Variants in TSC22D2 observed in about 807,000 individuals in gnomAD.
The protein encoded by TSC22D2 is TSC22 domain family protein 2.
Under a neutral mutation model 50.1 loss-of-function variants are expected in TSC22D2, and 5 were observed. The ratio of observed to expected loss-of-function variants is 0.10; its 90% CI spans 0.05 to 0.21. The LOEUF is 0.21. TSC22D2 is among the 10% of genes least tolerant of loss of function. The probability of loss-of-function intolerance (pLI) is 1.00; values close to 1 mark genes in which losing one functional copy is unlikely to be tolerated. For synonymous variants in TSC22D2, 501 were observed against 450.1 expected, an observed-to-expected ratio of 1.11 and a Z score of -1.43; for missense variants, 1,003 against 1,015.5, an observed-to-expected ratio of 0.99 and a Z score of 0.17.
At chr3:150,432,840 AT>A (rs1218004224) in intron 1 of TSC22D2, among the ~76,000 whole-genome samples, 12 of 152,130 alleles carry the variant, frequency 7.9e-5, no homozygotes, top group African/African-American at 2.9e-4. Context: ...TTTTATTAAG[AT>A]TTGGGGTGGT....
intron 1 of TSC22D2, among the ~76,000 whole-genome samples, chr3:150,432,092 A>G (rs941899298): frequency 1.3e-4 from 20 of 152,162 alleles, no homozygotes; most frequent in African/African-American, 4.8e-4. Flanking sequence ...ACTGGACCCT[A>G]AACATCTCTT....
intron 1 of TSC22D2, among the ~76,000 whole-genome samples, chr3:150,413,637 TTAAA>T: frequency 6.6e-6 from 1 of 151,134 alleles, no homozygotes; most frequent in East Asian, 1.9e-4. Context: ...GTGTTTGAAA[TTAAA>T]TAACAGTTTT....
At chr3:150,458,239 C>A in intron 2 of TSC22D2, 137 bp from the exon 3 acceptor site, 1 of 889,454 alleles carries the variant, frequency 1.1e-6, no homozygotes, top group Non-Finnish European at 1.7e-6. Context: ...TCCATAGGCT[C>A]GGTCAAGATA....
Position 150,409,422 on chromosome 3 carries a change from T to A in TSC22D2, c.72T>A (p.Thr24=), listed in dbSNP as rs376160123. The change falls in exon 1 of 3, where the codon ACT becomes ACA. Residue 24 remains threonine (T), a synonymous_variant. Coordinates refer to ENST00000688009, the MANE Select transcript of TSC22D2 (RefSeq NM_001303264.2). The surrounding 1 kb of genome is among the most constrained non-coding windows in gnomAD (Gnocchi z 7.4). The part of the protein sequence containing the change: ...ITSVTTAQVA[T]SITEDTESLD... ...GTGTCACCACGGCCCAGGTGGCCAC[T>A]AGCATCACCGAGGACACCGAGAGCT... 3.1e-6 allele frequency: 5 copies of A among 1,613,170 alleles called. No individual in the cohort carries two copies. In the African/African-American group the frequency reaches 5.3e-5, roughly 17 times the overall value.
At chr3:150,436,252 T>C (rs1018551619) in intron 1 of TSC22D2, among the ~76,000 whole-genome samples, 7 of 152,184 alleles carry the variant, frequency 4.6e-5, no homozygotes, top group Admixed American at 6.5e-5. Context: ...TTTGTAAGTT[T>C]CGTAGTAAAA....
chr3:150,423,224 G>A, intron 1 of TSC22D2: 10 of 785,424 alleles, frequency 1.3e-5, no homozygotes, highest in South Asian at 9.0e-5. Flanking sequence ...TATTTTAGGG[G>A]GGAAATCACA....
Position 150,428,834 on chromosome 3 carries a change from C to T in TSC22D2, c.1958+17526C>T, listed in dbSNP as rs542445492. Among the ~76,000 whole-genome samples, 8 of 152,232 alleles carry T rather than the reference C, an allele frequency of 5.3e-5. No individual in the cohort carries two copies. The South Asian group carries it at 6.2e-4, about 12-fold the overall frequency. On this transcript the variant is annotated intron_variant, in intron 1 of 2. Transcript: ENST00000688009. Reference sequence around the variant, plus strand: ...GGGTATTTCAACAGGCAGGCCTGAGCGAGCTTACTGAAAAGTAAACAGATC... The same window carrying T: ...GGGTATTTCAACAGGCAGGCCTGAGTGAGCTTACTGAAAAGTAAACAGATC...
intron 1 of TSC22D2, chr3:150,438,167 A>G (rs1457091792): frequency 2.7e-6 from 1 of 368,710 alleles, no homozygotes; most frequent in Non-Finnish European, 5.8e-6. Context: ...CTATTTGATT[A>G]AAACATTTAT....
chr3:150,442,591 A>C (rs541472131), intron 1 of TSC22D2, among the ~76,000 whole-genome samples: 24 of 152,344 alleles, frequency 1.6e-4, no homozygotes, highest in South Asian at 1.0e-3. Context: ...TATGCCAGAT[A>C]CTAATGCATT....
chr3:150,457,274 C>G (rs1367778870), intron 2 of TSC22D2, 147 bp downstream of exon 2: 2 of 752,482 alleles, frequency 2.7e-6, no homozygotes, highest in African/African-American at 1.8e-5. Flanking sequence ...GTTGAAGATG[C>G]TAGAACGTTG....
At chr3:150,441,991 T>C (rs1472540204) in intron 1 of TSC22D2, among the ~76,000 whole-genome samples, 1 of 152,180 alleles carries the variant, frequency 6.6e-6, no homozygotes, top group Non-Finnish European at 1.5e-5. Flanking sequence ...ATCTGCCTCC[T>C]CAGTGTTTTG....
chr3:150,431,360 A>G (rs1720377139), intron 1 of TSC22D2, among the ~76,000 whole-genome samples: 1 of 151,790 alleles, frequency 6.6e-6, no homozygotes, highest in African/African-American at 2.4e-5. Flanking sequence ...AGGGTATCTT[A>G]TATTAATGTG....
At chr3:150,434,306 T>A (rs907151959) in intron 1 of TSC22D2, among the ~76,000 whole-genome samples, 15 of 151,938 alleles carry the variant, frequency 9.9e-5, no homozygotes, top group Non-Finnish European at 2.1e-4. Flanking sequence ...CACGCCCTGC[T>A]AATTTTTGTA....
In TSC22D2 at chr3:150,465,381, C is replaced by A. The variant is rs1234485923; in HGVS notation, c.*6745C>A. On this transcript the variant is annotated 3_prime_UTR_variant, in exon 3 of 3. Transcript: ENST00000688009. Reference sequence around the variant, plus strand: ...AAAACACAAGAAACCATCTCAGATCCAACTAATATTTAGCGTGCATACAAA... The same window carrying A: ...AAAACACAAGAAACCATCTCAGATCAAACTAATATTTAGCGTGCATACAAA... 1.3e-5 allele frequency: 2 copies of A among 152,150 alleles called. No homozygotes were observed. The highest frequency in any genetic ancestry group is 2.9e-5 in the Non-Finnish European group (2 of 68,016). The allele number at this position is 152,150 out of a possible 1,614,324, so 9.4% of individuals were successfully genotyped here. A position where few individuals can be genotyped will look rare whatever the true frequency, so the allele number is the denominator to read the frequency against.
Position 150,466,217 on chromosome 3 carries a change from A to T in TSC22D2, c.*7581A>T, listed in dbSNP as rs1721540995. 6.6e-6 allele frequency: 1 copy of T among 151,858 alleles called. No individual in the cohort carries two copies. The highest frequency in any genetic ancestry group is 2.1e-4 in the South Asian group (1 of 4,814). 9.4% of individuals were successfully genotyped at this position (151,858 alleles called of 1,614,324 possible). A position where few individuals can be genotyped will look rare whatever the true frequency, so the allele number is the denominator to read the frequency against. On this transcript the variant is annotated 3_prime_UTR_variant, in exon 3 of 3. Coordinates refer to ENST00000688009, the MANE Select transcript of TSC22D2 (RefSeq NM_001303264.2). Reference sequence around the variant, plus strand: ...CACACACACACACACACACACACACACACACACACAAATACTGTATAGTGT... The same window carrying T: ...CACACACACACACACACACACACACTCACACACACAAATACTGTATAGTGT...
rs1053942063 is a variant in TSC22D2, at chr3:150,465,465, G to T, written c.*6829G>T. The T allele has an allele frequency of 6.6e-6, 1 of 152,094 alleles. No individual in the cohort carries two copies. The highest frequency in any genetic ancestry group is 6.5e-5 in the Admixed American group (1 of 15,274). 9.4% of individuals were successfully genotyped at this position (152,094 alleles called of 1,614,324 possible). On this transcript the variant is annotated 3_prime_UTR_variant, in exon 3 of 3. Coordinates refer to ENST00000688009, the MANE Select transcript of TSC22D2 (RefSeq NM_001303264.2). ...TACATTGCTAGTGAGCATACAAATT[G>T]GCACAGCCTCTTTTAAAGACAATTG...
chr3:150,462,248 A>C lies in TSC22D2; in HGVS notation c.*3612A>C, dbSNP rs1721437823. On this transcript the variant is annotated 3_prime_UTR_variant, in exon 3 of 3. Transcript: ENST00000688009. ...AGAACTCAATGGCTTAAAAGTATAAACAAGGCTCCTAGGGCAGCCACAGAA... is the reference window on the plus strand; with the variant it reads ...AGAACTCAATGGCTTAAAAGTATAACCAAGGCTCCTAGGGCAGCCACAGAA... 6.6e-6 allele frequency: 1 copy of C among 152,196 alleles called. No homozygotes were observed. Among genetic ancestry groups the C allele is most frequent in the East Asian group, 1.9e-4 (1 of 5,198 alleles). The allele number at this position is 152,196 out of a possible 1,614,324, so 9.4% of individuals were successfully genotyped here. A position where few individuals can be genotyped will look rare whatever the true frequency, so the allele number is the denominator to read the frequency against.
rs543111239 is a variant in TSC22D2 at position 150,456,053 on chromosome 3, G to T, written c.1959-1023G>T. Among the ~76,000 whole-genome samples, 25 of 152,164 alleles carry T rather than the reference G, an allele frequency of 1.6e-4. 1 individual carries two copies. The South Asian group carries it at 3.9e-3, about 24-fold the overall frequency. On this transcript the variant is annotated intron_variant, in intron 1 of 2. Coordinates refer to ENST00000688009, the MANE Select transcript of TSC22D2 (RefSeq NM_001303264.2). Reference sequence around the variant, plus strand: ...ATTTGAACTTGGAATGTGCTTACAGGCTGGATAACTTTTCAGTTATTCCCA... The same window carrying T: ...ATTTGAACTTGGAATGTGCTTACAGTCTGGATAACTTTTCAGTTATTCCCA...
In TSC22D2 at chr3:150,410,414, A is replaced by C. The variant is rs1271817888; in HGVS notation, c.1064A>C (p.Gln355Pro). 4 of 1,608,842 alleles carry C rather than the reference A, an allele frequency of 2.5e-6. No homozygotes were observed. Among genetic ancestry groups the C allele is most frequent in the Middle Eastern group, 3.3e-4 (2 of 6,048 alleles). ...GGCGCCCCCGCGGCGCAGCAGCCCC[A>C]GCAGTTCGCGTATCCTCAGCCTCAG... ...AVGAPAAQQP[Q>P]QFAYPQPQIP... Residue 355 changes from glutamine to proline, a missense_variant, in exon 1 of 3, where the codon CAG becomes CCG. Physicochemically the swap from Gln to Pro is moderately conservative, Grantham distance 76. Around this residue, in one of 6 missense-constraint regions of TSC22D2, gnomAD observed 696 missense variants for 647.8 expected, o/e 1.07. Transcript: ENST00000688009.
Sources: gnomAD v4.1 joint callset for allele counts (sites outside exome capture counted in the v4.1 genomes callset) on GRCh38, gnomAD v4.1.1 for gene constraint, gnomAD v4.1.1 regional missense constraint, Gnocchi (gnomAD v3.1) non-coding constraint, MANE v1.5 for transcripts, NCBI Gene and HGNC (gene_info 2026-07-23, HGNC 2026-07-21) for gene names.